Variants in AGAP1 observed in about 807,000 individuals in gnomAD.
The protein encoded by AGAP1 is arf-GAP with GTPase, ANK repeat and PH domain-containing protein 1.
A neutral mutation model predicts 105.3 loss-of-function variants in AGAP1; 29 were observed. The ratio of observed to expected loss-of-function variants is 0.28; its 90% CI spans 0.21 to 0.38. The LOEUF (loss-of-function observed/expected upper bound fraction) is 0.38. Ranked by LOEUF, AGAP1 falls within the 10% of genes least tolerant of loss-of-function variation. AGAP1 has a pLI of 1.00. For missense variants in AGAP1, 998 were observed against 1,165.1 expected (o/e 0.86, Z 2.09); for synonymous variants, 509 against 485.9 (o/e 1.05, Z -0.63).
rs1392896188 is a variant in AGAP1 at position 235,659,127 on chromosome 2, A to G, written c.164-50052A>G. ...GGGCTTGCCCTGGGGAAGGCCCTGG[A>G]GCTGGATTCCCACACCCTGCCGAGT... On this transcript the variant is annotated intron_variant, in intron 1 of 17. Transcript: ENST00000304032. This position sits in a 1 kb window ranked among gnomAD's most constrained non-coding sequence, Gnocchi z 5.0. Among the ~76,000 whole-genome samples, 2 of 152,184 alleles carry G rather than the reference A, an allele frequency of 1.3e-5. No individual in the cohort carries two copies. Among genetic ancestry groups the G allele is most frequent in the African/African-American group, 4.8e-5 (2 of 41,448 alleles).
intron 1 of AGAP1, among the ~76,000 whole-genome samples, chr2:235,606,121 G>A (rs1255327346): frequency 6.6e-6 from 1 of 152,164 alleles, no homozygotes; most frequent in Non-Finnish European, 1.5e-5. Flanking sequence ...TCCCAAGATC[G>A]GCCATTTCCC....
rs1157906363 is a variant in AGAP1 at position 235,964,413 on chromosome 2, C to T, written c.1484-4049C>T. 1.3e-5 allele frequency among the ~76,000 whole-genome samples: 2 copies of T among 152,078 alleles called. No homozygotes were observed. The highest frequency in any genetic ancestry group is 2.4e-5 in the African/African-American group (1 of 41,400). ...TCACAGTGACCATTGTTTCCCATGG[C>T]CTGGCACCATACCTGGCAAAGTGGG... On this transcript the variant is annotated intron_variant, in intron 12 of 17. Coordinates refer to ENST00000304032, the MANE Select transcript of AGAP1 (RefSeq NM_001037131.3). This position sits in a 1 kb window ranked among gnomAD's most constrained non-coding sequence, Gnocchi z 4.6.
rs964846360 is a variant in AGAP1 at position 235,976,919 on chromosome 2, C to A, written c.1645+8296C>A. ...GGTGGCTTGGAGCTCCTGGGGGTAC[C>A]TAGGCAACTCCTGACGCCACAGACA... On this transcript the variant is annotated intron_variant, in intron 13 of 17. Coordinates refer to ENST00000304032, the MANE Select transcript of AGAP1 (RefSeq NM_001037131.3). The surrounding 1 kb of genome is among the most constrained non-coding windows in gnomAD (Gnocchi z 4.5). Among the ~76,000 whole-genome samples the A allele has an allele frequency of 6.6e-6, 1 of 152,184 alleles. No individual in the cohort carries two copies. Among genetic ancestry groups the A allele is most frequent in the African/African-American group, 2.4e-5 (1 of 41,436 alleles).
intron 1 of AGAP1, among the ~76,000 whole-genome samples, chr2:235,683,690 T>C (rs1212485025): frequency 1.3e-5 from 2 of 150,892 alleles, no homozygotes; most frequent in Admixed American, 1.3e-4. Flanking sequence ...TTTTTCTTTC[T>C]CTCTCTCTCT....
intron 6 of AGAP1, among the ~76,000 whole-genome samples, chr2:235,772,304 T>C (rs1393535188): frequency 6.6e-6 from 1 of 152,172 alleles, no homozygotes; most frequent in Non-Finnish European, 1.5e-5. Flanking sequence ...AGATATTTCT[T>C]ATAATCCCGC....
chr2:236,039,095 TC>T, intron 14 of AGAP1, among the ~76,000 whole-genome samples: 1 of 152,288 alleles, frequency 6.6e-6, no homozygotes, highest in African/African-American at 2.4e-5. Context: ...CTGAAATTGA[TC>T]AATTTTTGCT....
intron 16 of AGAP1, among the ~76,000 whole-genome samples, chr2:236,097,237 A>G (rs953553878): frequency 1.3e-5 from 2 of 152,246 alleles, no homozygotes; most frequent in East Asian, 3.9e-4. Context: ...TTCTTTGGCT[A>G]TAATAATGTG....
intron 1 of AGAP1, among the ~76,000 whole-genome samples, chr2:235,560,395 T>C (rs537285467): frequency 6.6e-6 from 1 of 152,008 alleles, no homozygotes; most frequent in African/African-American, 2.4e-5. Flanking sequence ...TCCCCTACTG[T>C]GGTAGACAGA....
chr2:235,544,555 C>T (rs542148277), intron 1 of AGAP1, among the ~76,000 whole-genome samples: 20 of 152,226 alleles, frequency 1.3e-4, no homozygotes, highest in East Asian at 1.2e-3. Context: ...GGGCCGACCA[C>T]GGAGCCCCTT....
intron 1 of AGAP1, among the ~76,000 whole-genome samples, chr2:235,575,480 G>T (rs1944701757): frequency 6.6e-6 from 1 of 152,250 alleles, no homozygotes. Flanking sequence ...GCTGAGCCGA[G>T]GAAACTGGAA....
rs575700294 is a variant in AGAP1 at position 235,732,912 on chromosome 2, C to T, written c.311-8051C>T. On this transcript the variant is annotated intron_variant, in intron 3 of 17. Coordinates refer to ENST00000304032, the MANE Select transcript of AGAP1 (RefSeq NM_001037131.3). This position sits in a 1 kb window ranked among gnomAD's most constrained non-coding sequence, Gnocchi z 4.8. ...CCAGACCTCAGCCACCTCCCCCAGC[C>T]AGCCCCAGGGGTGTTGGGGGCATCT... Among the ~76,000 whole-genome samples the T allele has an allele frequency of 3.4e-3, 521 of 152,312 alleles. 1 individual carries two copies. The highest frequency in any genetic ancestry group is 6.4e-3 in the Non-Finnish European group (435 of 68,030).
intron 9 of AGAP1, among the ~76,000 whole-genome samples, chr2:235,811,203 T>C (rs6751867): frequency 0.29 from 43,421 of 152,032 alleles, 6,490 homozygotes; most frequent in Admixed American, 0.42. Flanking sequence ...AGATACACAG[T>C]CATACGCCTT....
At chr2:235,545,759 A>T (rs1409346096) in intron 1 of AGAP1, among the ~76,000 whole-genome samples, 2 of 151,998 alleles carry the variant, frequency 1.3e-5, no homozygotes, top group Admixed American at 6.6e-5. Context: ...AGCCTGTGGG[A>T]TGTTGCTTTA....
intron 11 of AGAP1, among the ~76,000 whole-genome samples, chr2:235,928,110 C>G (rs1474287132): frequency 6.6e-6 from 1 of 152,032 alleles, no homozygotes; most frequent in Non-Finnish European, 1.5e-5. Context: ...CCAATCGCAC[C>G]CCCAGCTGCT....
At position 235,901,882 on chromosome 2, in the gene AGAP1, A is replaced by G. The variant is rs902633741; in HGVS notation, c.1156-6856A>G. Among the ~76,000 whole-genome samples, 14 of 7,126 alleles carry G rather than the reference A, an allele frequency of 2.0e-3. No homozygotes were observed. In the East Asian group the frequency reaches 0.42, roughly 212 times the overall value. 4.7% of individuals were successfully genotyped at this position (7,126 alleles called of 152,430 possible). ...CGACAGAGTGAGACTCCGTCTCGGAAAAAAAAAAAAAAATTATGGAGGGAC... is the reference window on the plus strand; with the variant it reads ...CGACAGAGTGAGACTCCGTCTCGGAGAAAAAAAAAAAAATTATGGAGGGAC... On this transcript the variant is annotated intron_variant, in intron 10 of 17. Coordinates refer to ENST00000304032, the MANE Select transcript of AGAP1 (RefSeq NM_001037131.3). This position sits in a 1 kb window ranked among gnomAD's most constrained non-coding sequence, Gnocchi z 4.3.
Position 235,801,373 on chromosome 2 carries a change from A to G in AGAP1, c.957+1851A>G, listed in dbSNP as rs1477953141. Among the ~76,000 whole-genome samples the G allele has an allele frequency of 6.6e-6, 1 of 152,314 alleles. No homozygotes were observed. The highest frequency in any genetic ancestry group is 1.9e-4 in the East Asian group (1 of 5,174). On this transcript the variant is annotated intron_variant, in intron 8 of 17. Transcript: ENST00000304032. The surrounding 1 kb of genome is among the most constrained non-coding windows in gnomAD (Gnocchi z 6.0). ...ATGGTTTTCTCACTCCATTGATGCT[A>G]TAAAATGATTTCTGATCGTGTTAAG...
Position 235,988,095 on chromosome 2 carries a change from T to C in AGAP1, c.1645+19472T>C, listed in dbSNP as rs2055398256. Among the ~76,000 whole-genome samples the C allele has an allele frequency of 6.6e-6, 1 of 152,152 alleles. No individual in the cohort carries two copies. The highest frequency in any genetic ancestry group is 2.1e-4 in the South Asian group (1 of 4,818). On this transcript the variant is annotated intron_variant, in intron 13 of 17. Transcript: ENST00000304032. The surrounding 1 kb of genome is among the most constrained non-coding windows in gnomAD (Gnocchi z 4.7). ...TCTCACTCTGTTGCCCAGGCTGGAG[T>C]GTGGTGGCATGATCTCGGCTCACTG...
At chr2:235,817,155 C>T (rs955868064) in intron 9 of AGAP1, among the ~76,000 whole-genome samples, 8 of 152,212 alleles carry the variant, frequency 5.3e-5, no homozygotes, top group African/African-American at 1.7e-4. Flanking sequence ...AAACAGCAAC[C>T]GTGGAACTTA....
intron 13 of AGAP1, among the ~76,000 whole-genome samples, chr2:235,974,981 A>C (rs184820896): frequency 6.6e-6 from 1 of 152,252 alleles, no homozygotes; most frequent in South Asian, 2.1e-4. Flanking sequence ...CGAGAAAGGC[A>C]TGGGAATTCA....
Sources: allele counts gnomAD v4.1 joint callset (sites outside exome capture counted in the v4.1 genomes callset), GRCh38; gene constraint gnomAD v4.1.1; non-coding constraint Gnocchi (gnomAD v3.1); transcripts MANE v1.5; gene names NCBI Gene and HGNC (gene_info 2026-07-23, HGNC 2026-07-21).